ATXN7: variants seen among roughly 807,000 people sequenced by gnomAD.
The protein encoded by ATXN7 is ataxin-7.
Under a neutral mutation model 70.5 loss-of-function variants are expected in ATXN7, and 12 were observed. The ratio of observed to expected loss-of-function variants is 0.17; its 90% CI spans 0.11 to 0.28. The LOEUF (loss-of-function observed/expected upper bound fraction) is 0.28, where lower values mean the gene tolerates loss of function less well. Among genes scored for constraint, ATXN7 ranks in the 10% least tolerant of loss-of-function variants. The pLI, the probability that ATXN7 is intolerant of heterozygous loss-of-function variation, is 1.00. For synonymous variants in ATXN7, 498 were observed against 448.7 expected, an observed-to-expected ratio of 1.11 and a Z score of -1.39; for missense variants, 1,256 against 1,131.7, an observed-to-expected ratio of 1.11 and a Z score of -1.58.
intron 1 of ATXN7, among the ~76,000 whole-genome samples, 162 bp from the exon 2 acceptor site, chr3:63,898,237 T>C (rs1703504000): frequency 6.7e-6 from 1 of 149,064 alleles, no homozygotes; most frequent in Admixed American, 6.7e-5. Context: ...AAAAAAAAAA[T>C]CACATTTGTA....
At chr3:63,923,482 A>G (rs1449094138) in intron 4 of ATXN7, among the ~76,000 whole-genome samples, 4 of 152,320 alleles carry the variant, frequency 2.6e-5, no homozygotes, top group African/African-American at 9.6e-5. Context: ...TAAGCATTTA[A>G]CATTTGAGCT....
intron 8 of ATXN7, among the ~76,000 whole-genome samples, chr3:63,985,160 GC>G (rs1163804235): frequency 1.2e-4 from 19 of 152,142 alleles, no homozygotes; most frequent in Admixed American, 8.5e-4. Context: ...AAGTGAGGTT[GC>G]CAAAAGTTTT....
Position 63,996,034 on chromosome 3 carries a change from T to C in ATXN7, c.2212T>C (p.Cys738Arg). 2 of 1,614,188 alleles carry C rather than the reference T, an allele frequency of 1.2e-6. No homozygotes were observed. Among genetic ancestry groups the C allele is most frequent in the Non-Finnish European group, 1.7e-6 (2 of 1,180,028 alleles). Residue 738 changes from cysteine (C) to arginine (R), a missense_variant, in exon 12 of 13, where the codon TGT becomes CGT. Transcript: ENST00000674280. ...TTCCATGGAGTCTTTTAGGAAAAAC[T>C]GTGTGGCTCACTCTGGGCCTCCCTA... ...SHSMESFRKN[C>R]VAHSGPPYPS...
chr3:63,873,527 T>C (rs1559616355), intron 1 of ATXN7, among the ~76,000 whole-genome samples: 1 of 152,108 alleles, frequency 6.6e-6, no homozygotes, highest in Non-Finnish European at 1.5e-5. Flanking sequence ...TTTAGGGGAG[T>C]TGTCATTCCC....
chr3:63,940,953 G>A (rs994018805), intron 4 of ATXN7, among the ~76,000 whole-genome samples: 4 of 152,152 alleles, frequency 2.6e-5, no homozygotes, highest in Admixed American at 2.0e-4. Context: ...ATTTTGAGGA[G>A]TAGCTTAAGG....
chr3:63,881,821 A>G (rs552181336), intron 1 of ATXN7, among the ~76,000 whole-genome samples: 8 of 152,304 alleles, frequency 5.3e-5, no homozygotes, highest in African/African-American at 9.6e-5. Context: ...GCTAAGAACT[A>G]TAAGGTTGGG....
intron 4 of ATXN7, among the ~76,000 whole-genome samples, chr3:63,919,582 CTT>C (rs1219249904): frequency 6.6e-6 from 1 of 151,964 alleles, no homozygotes; most frequent in Non-Finnish European, 1.5e-5. Context: ...TCTTTGTCCA[CTT>C]TTATCATTCA....
intron 11 of ATXN7, 78 bp downstream of exon 11, chr3:63,990,937 G>A: frequency 6.3e-7 from 1 of 1,599,220 alleles, no homozygotes; most frequent in Non-Finnish European, 8.6e-7. Context: ...TGAGACTGAT[G>A]TTATGAAGAT....
intron 1 of ATXN7, among the ~76,000 whole-genome samples, chr3:63,879,172 C>T (rs916409879): frequency 6.6e-6 from 1 of 152,210 alleles, no homozygotes; most frequent in Non-Finnish European, 1.5e-5. Flanking sequence ...TTGATTATGA[C>T]TCAGTTCTAT....
intron 5 of ATXN7, among the ~76,000 whole-genome samples, chr3:63,956,299 C>T (rs1472119617): frequency 2.0e-5 from 3 of 151,726 alleles, no homozygotes; most frequent in Non-Finnish European, 2.9e-5. Flanking sequence ...GGCGTGGTGG[C>T]GTGCGCTCCC....
chr3:63,972,008 GT>G (rs2075319393), intron 5 of ATXN7, among the ~76,000 whole-genome samples: 1 of 152,138 alleles, frequency 6.6e-6, no homozygotes, highest in South Asian at 2.1e-4. Flanking sequence ...TTCTTAAGGA[GT>G]TATAATCCTT....
chr3:63,921,447 A>G (rs545208332), intron 4 of ATXN7, among the ~76,000 whole-genome samples: 14 of 152,346 alleles, frequency 9.2e-5, no homozygotes, highest in African/African-American at 3.1e-4. Flanking sequence ...CCCCTCAAAA[A>G]AGTATGAGAA....
chr3:63,900,023 G>C (rs1385035589), intron 2 of ATXN7, among the ~76,000 whole-genome samples: 1 of 152,160 alleles, frequency 6.6e-6, no homozygotes, highest in East Asian at 1.9e-4. Flanking sequence ...GCTTGAGGCG[G>C]CAGTTAGCCA....
intron 4 of ATXN7, among the ~76,000 whole-genome samples, chr3:63,929,360 A>C (rs1704847597): frequency 6.9e-6 from 1 of 145,768 alleles, no homozygotes; most frequent in Non-Finnish European, 1.5e-5. Context: ...GCAACCTCCG[A>C]CTCCCTGTTT....
chr3:63,910,224 G>A (rs1412155980), intron 2 of ATXN7, among the ~76,000 whole-genome samples: 3 of 152,172 alleles, frequency 2.0e-5, no homozygotes, highest in East Asian at 3.9e-4. Context: ...GGAAAGTCAA[G>A]CAATGTCTTG....
Position 63,995,921 on chromosome 3 carries a change from G to T in ATXN7, c.2099G>T (p.Ser700Ile). The T allele has an allele frequency of 1.2e-6, 2 of 1,614,200 alleles. No homozygotes were observed. Among genetic ancestry groups the T allele is most frequent in the Non-Finnish European group, 1.7e-6 (2 of 1,180,052 alleles). ...TGTCAAAATGCCAGTAGCAGTACCA[G>T]TGGCGGCTCAGGAAAGAAACGCAAA... is the stretch of plus-strand genomic sequence containing the variant. The part of the protein sequence containing the change: ...TNCQNASSST[S>I]GGSGKKRKNS... The change falls in exon 12 of 13, where the codon AGT (serine) becomes ATT (isoleucine). Residue 700 changes from serine (S) to isoleucine (I), a missense_variant. Ser to Ile is a moderately radical substitution (Grantham distance 142). Coordinates refer to ENST00000674280, the MANE Select transcript of ATXN7 (RefSeq NM_001377405.1).
At chr3:63,972,438 G>C (rs1369591639) in intron 5 of ATXN7, among the ~76,000 whole-genome samples, 1 of 152,190 alleles carries the variant, frequency 6.6e-6, no homozygotes, top group Non-Finnish European at 1.5e-5. Flanking sequence ...TCCATGCAGA[G>C]TGCACACTCT....
intron 5 of ATXN7, among the ~76,000 whole-genome samples, chr3:63,971,001 C>T (rs1049392982): frequency 6.6e-6 from 1 of 152,168 alleles, no homozygotes; most frequent in African/African-American, 2.4e-5. Context: ...CTCTTTTCTG[C>T]ACTTTCCCGT....
At chr3:63,903,965 T>C (rs1253007784) in intron 2 of ATXN7, 1 of 152,242 alleles carries the variant, frequency 6.6e-6, no homozygotes, top group African/African-American at 2.4e-5. Context: ...TTTACCCCTT[T>C]AAACTGTACA....
Sources: allele counts gnomAD v4.1 joint callset (sites outside exome capture counted in the v4.1 genomes callset), GRCh38; gene constraint gnomAD v4.1.1; transcripts MANE v1.5; gene names NCBI Gene and HGNC (gene_info 2026-07-23, HGNC 2026-07-21).